The following ATP8A1 variants were observed in gnomAD, a reference collection of about 807,000 sequenced individuals.
ATP8A1 encodes the protein ATPase phospholipid transporting 8A1.
ATP8A1 carries 90 observed loss-of-function variants against 177.7 expected under a neutral mutation model. That is an observed-to-expected ratio of 0.51 (90% CI 0.43 to 0.60). The LOEUF (loss-of-function observed/expected upper bound fraction) is 0.60. Among genes scored for constraint, ATP8A1 ranks in the 20% least tolerant of loss-of-function variants. The pLI, the probability that ATP8A1 is intolerant of heterozygous loss-of-function variation, is 0.00. For synonymous variants in ATP8A1, 493 were observed against 485.9 expected (o/e 1.01, Z -0.19); for missense variants, 1,072 against 1,392.8 (o/e 0.77, Z 3.67).
At chr4:42,503,404 T>C in intron 24 of ATP8A1, 46 bp downstream of exon 24, 2 of 1,114,116 alleles carry the variant, frequency 1.8e-6, no homozygotes, top group Non-Finnish European at 2.7e-6. Flanking sequence ...TACTATAGCA[T>C]GAATATATTA....
chr4:42,538,946 A>G (rs934612596), intron 20 of ATP8A1, among the ~76,000 whole-genome samples: 2 of 152,230 alleles, frequency 1.3e-5, no homozygotes, highest in African/African-American at 4.8e-5. Flanking sequence ...TACAAAAAAG[A>G]TACTTGCACA....
chr4:42,459,740 A>C (rs73160926), intron 27 of ATP8A1, among the ~76,000 whole-genome samples: 5,795 of 152,230 alleles, frequency 0.038, 184 homozygotes, highest in South Asian at 0.088. Context: ...GAGTAAGTTC[A>C]TTTACGTATC....
chr4:42,483,840 A>AAGAAAGATACATGAAGGAGAGCAGGTAT (rs1478206494), intron 25 of ATP8A1, among the ~76,000 whole-genome samples: 1 of 152,172 alleles, frequency 6.6e-6, no homozygotes, highest in Non-Finnish European at 1.5e-5. Flanking sequence ...TTGACTTAGA[A>AAGAAAGATACATGAAGGAGAGCAGGTAT]AGAAAGATAC....
chr4:42,626,454 G>A (rs1428191258), intron 2 of ATP8A1: 1 of 152,534 alleles, frequency 6.6e-6, no homozygotes, highest in African/African-American at 2.4e-5. Context: ...GTGTTTATGT[G>A]GTCCCAGAAG....
rs1160483461 is a variant in ATP8A1, at chr4:42,411,955, C to G, written c.*961G>C. On this transcript the variant is annotated 3_prime_UTR_variant, in exon 37 of 37. Transcript: ENST00000381668. ...TGACATGTTATTCCAAATATTGCAACAGAAGCTTTGGAAATCCCACGTAAA... is the reference window on the plus strand; with the variant it reads ...TGACATGTTATTCCAAATATTGCAAGAGAAGCTTTGGAAATCCCACGTAAA... 6.6e-6 allele frequency: 1 copy of G among 152,172 alleles called. No individual in the cohort carries two copies. Among genetic ancestry groups the G allele is most frequent in the Admixed American group, 6.6e-5 (1 of 15,266 alleles). The allele number at this position is 152,172 out of a possible 1,614,324, so 9.4% of individuals were successfully genotyped here.
At chr4:42,602,894 C>G (rs1273449750) in intron 5 of ATP8A1, among the ~76,000 whole-genome samples, 3 of 151,944 alleles carry the variant, frequency 2.0e-5, no homozygotes, top group African/African-American at 7.3e-5. Flanking sequence ...TGGTAAAGTC[C>G]TGTTCAAATC....
chr4:42,654,389 C>G (rs1008054877), intron 1 of ATP8A1, among the ~76,000 whole-genome samples: 1 of 152,098 alleles, frequency 6.6e-6, no homozygotes, highest in Non-Finnish European at 1.5e-5. Flanking sequence ...ATGAAGGGAA[C>G]AGAAACCCAT....
chr4:42,581,858 A>C, intron 9 of ATP8A1, 126 bp from the exon 10 acceptor site: 1 of 681,438 alleles, frequency 1.5e-6, no homozygotes, highest in Non-Finnish European at 2.5e-6. Flanking sequence ...CTGGAAAGTA[A>C]TTTCCCCCCA....
intron 22 of ATP8A1, among the ~76,000 whole-genome samples, chr4:42,511,654 C>G (rs184394692): frequency 3.3e-5 from 5 of 152,142 alleles, no homozygotes; most frequent in Admixed American, 3.3e-4. Flanking sequence ...TGTAACATTT[C>G]TACTGTAAGT....
intron 15 of ATP8A1, among the ~76,000 whole-genome samples, chr4:42,560,034 T>C (rs1730649780): frequency 6.6e-6 from 1 of 151,780 alleles, no homozygotes; most frequent in Admixed American, 6.6e-5. Context: ...TAGCAAAGAG[T>C]TAGGAAACAC....
At chr4:42,492,914 GA>G (rs1722870650) in intron 24 of ATP8A1, among the ~76,000 whole-genome samples, 3 of 152,218 alleles carry the variant, frequency 2.0e-5, no homozygotes, top group Admixed American at 2.0e-4. Context: ...CCCTTCCTTA[GA>G]AAGGAAAAAA....
intron 1 of ATP8A1, among the ~76,000 whole-genome samples, chr4:42,647,080 C>A (rs966153772): frequency 1.1e-4 from 16 of 145,760 alleles, no homozygotes; most frequent in Admixed American, 4.2e-4. Context: ...AAAGATGCCA[C>A]AATGTACTTA....
intron 15 of ATP8A1, chr4:42,561,484 G>C (rs1055316071): frequency 6.6e-6 from 1 of 152,286 alleles, no homozygotes; most frequent in Admixed American, 6.5e-5. Flanking sequence ...TCCCAAAGTA[G>C]TCCCACTCAC....
At chr4:42,653,629 C>T (rs1741333828) in intron 1 of ATP8A1, among the ~76,000 whole-genome samples, 1 of 152,238 alleles carries the variant, frequency 6.6e-6, no homozygotes, top group South Asian at 2.1e-4. Flanking sequence ...TAAGTTACTA[C>T]TTTTAGGATG....
Position 42,613,340 on chromosome 4 carries a change from C to T in ATP8A1, c.409+2693G>A, listed in dbSNP as rs535989825. Among the ~76,000 whole-genome samples, 6 of 151,384 alleles carry T rather than the reference C, an allele frequency of 4.0e-5. No individual in the cohort carries two copies. The East Asian group carries it at 1.2e-3, about 30-fold the overall frequency. ...ATAAGATCTGAAAGAAAGTACAGTC[C>T]CCCCTCAATATCCATGAGGGATTAG... On this transcript the variant is annotated intron_variant, in intron 5 of 36. Transcript: ENST00000381668.
intron 33 of ATP8A1, among the ~76,000 whole-genome samples, chr4:42,433,571 C>T (rs988616608): frequency 1.7e-4 from 26 of 152,140 alleles, no homozygotes; most frequent in African/African-American, 6.3e-4. Flanking sequence ...AATATGTTTA[C>T]AATTATTCTC....
chr4:42,570,404 T>G (rs752775005), intron 14 of ATP8A1, among the ~76,000 whole-genome samples: 10 of 152,292 alleles, frequency 6.6e-5, no homozygotes, highest in Admixed American at 1.3e-4. Context: ...AGCAATCACT[T>G]CAGATCAGCC....
At position 42,514,611 on chromosome 4, in the gene ATP8A1, G is replaced by A. The variant is rs143634098; in HGVS notation, c.1948-7457C>T. Among the ~76,000 whole-genome samples, 853 of 152,314 alleles carry A rather than the reference G, an allele frequency of 5.6e-3. 6 individuals carry two copies. The highest frequency in any genetic ancestry group is 0.034 in the Middle Eastern group (10 of 294). Reference sequence around the variant, plus strand: ...CCCACTTCTCACCCTGAGTGATCTAGTGATTATGCAACTGCACAATTGATT... The same window carrying A: ...CCCACTTCTCACCCTGAGTGATCTAATGATTATGCAACTGCACAATTGATT... On this transcript the variant is annotated intron_variant, in intron 22 of 36. Transcript: ENST00000381668.
intron 6 of ATP8A1, among the ~76,000 whole-genome samples, chr4:42,592,960 A>T (rs1397850605): frequency 6.6e-6 from 1 of 152,158 alleles, no homozygotes; most frequent in Non-Finnish European, 1.5e-5. Flanking sequence ...TACATTCATC[A>T]CATTTTTACT....
Sources: gnomAD v4.1 joint callset for allele counts (sites outside exome capture counted in the v4.1 genomes callset) on GRCh38, gnomAD v4.1.1 for gene constraint, MANE v1.5 for transcripts, NCBI Gene and HGNC (gene_info 2026-07-23, HGNC 2026-07-21) for gene names.